Variants in TYR observed in about 807,000 individuals in gnomAD.
The protein encoded by TYR is tyrosinase, also known as LB24-AB.
In TYR, 58 loss-of-function variants were observed where a neutral mutation model predicts 51.5. That is an observed-to-expected ratio of 1.13 (90% CI 0.91 to 1.40). The LOEUF (loss-of-function observed/expected upper bound fraction) is 1.40, where lower values mean the gene tolerates loss of function less well. Among genes scored for constraint, TYR ranks in the 40% most tolerant of loss-of-function variants. TYR has a pLI of 0.00. For synonymous variants in TYR, 263 were observed against 235.2 expected, an observed-to-expected ratio of 1.12 and a Z score of -1.08; for missense variants, 732 against 647.4, an observed-to-expected ratio of 1.13 and a Z score of -1.42.
intron 2 of TYR, among the ~76,000 whole-genome samples, chr11:89,191,773 G>A (rs572459368): frequency 1.5e-3 from 225 of 152,222 alleles, no homozygotes; most frequent in Non-Finnish European, 2.1e-3. Flanking sequence ...AGAAGCAGCA[G>A]CAGAAGCAGA....
At chr11:89,284,474 A>G (rs1351379209) in intron 3 of TYR, among the ~76,000 whole-genome samples, 1 of 151,828 alleles carries the variant, frequency 6.6e-6, no homozygotes, top group Non-Finnish European at 1.5e-5. Flanking sequence ...TCACTCAACC[A>G]ATAGTTACCT....
At chr11:89,221,826 T>A (rs1737291496) in intron 2 of TYR, among the ~76,000 whole-genome samples, 1 of 152,220 alleles carries the variant, frequency 6.6e-6, no homozygotes, top group Admixed American at 6.5e-5. Context: ...AAAAATGCAC[T>A]TAAATGAAAT....
rs544066704 is a variant in TYR at position 89,192,704 on chromosome 11, C to A, written c.1036+1286C>A. On this transcript the variant is annotated intron_variant, in intron 2 of 4. Transcript: ENST00000263321. ...TATGAAAATAGAAATTAGGTTTATTCTTCTATGGTAATATTCATGATTAAC... is the reference window on the plus strand; with the variant it reads ...TATGAAAATAGAAATTAGGTTTATTATTCTATGGTAATATTCATGATTAAC... Among the ~76,000 whole-genome samples, 26 of 152,182 alleles carry A rather than the reference C, an allele frequency of 1.7e-4. 1 individual carries two copies. The South Asian group carries it at 5.4e-3, about 32-fold the overall frequency.
rs1229643099 is a variant in TYR, at chr11:89,234,852, T to G, written c.1184+6882T>G. Among the ~76,000 whole-genome samples, 53 of 152,036 alleles carry G rather than the reference T, an allele frequency of 3.5e-4. 1 individual carries two copies. Among genetic ancestry groups the G allele is most frequent in the Admixed American group, 3.5e-3 (53 of 15,252 alleles). On this transcript the variant is annotated intron_variant, in intron 3 of 4. Transcript: ENST00000263321. ...AATAATAATTTAAAACTTTGTAATA[T>G]TGCAAGAATTACCAAAATGTGACAG...
At chr11:89,220,156 G>T (rs989503658) in intron 2 of TYR, among the ~76,000 whole-genome samples, 1 of 150,580 alleles carries the variant, frequency 6.6e-6, no homozygotes, top group African/African-American at 2.4e-5. Flanking sequence ...AAAAAAAAAT[G>T]GTTTTATTTA....
chr11:89,197,456 C>T (rs1214768342), intron 2 of TYR, among the ~76,000 whole-genome samples: 5 of 152,074 alleles, frequency 3.3e-5, no homozygotes, highest in Non-Finnish European at 7.4e-5. Flanking sequence ...CATAAAAACC[C>T]AATGTTTAAA....
intron 2 of TYR, among the ~76,000 whole-genome samples, chr11:89,209,462 G>C (rs1232795949): frequency 6.6e-6 from 1 of 152,202 alleles, no homozygotes; most frequent in Non-Finnish European, 1.5e-5. Flanking sequence ...AGGGAAACTA[G>C]AACTGGGTGG....
At chr11:89,226,583 C>T (rs1048698095) in intron 2 of TYR, among the ~76,000 whole-genome samples, 9 of 152,016 alleles carry the variant, frequency 5.9e-5, no homozygotes, top group South Asian at 2.1e-4. Context: ...CATCACTACC[C>T]GAAGGGGCAG....
At chr11:89,251,905 T>C (rs1944335372) in intron 3 of TYR, among the ~76,000 whole-genome samples, 1 of 151,846 alleles carries the variant, frequency 6.6e-6, no homozygotes, top group Non-Finnish European at 1.5e-5. Context: ...CCTCTAGTAC[T>C]CAGTGTTGAG....
rs556702863 is a variant in TYR, at chr11:89,187,634, T to C, written c.820-3568T>C. Among the ~76,000 whole-genome samples the C allele has an allele frequency of 2.0e-5, 3 of 152,240 alleles. No individual in the cohort carries two copies. The East Asian group carries it at 5.8e-4, about 30-fold the overall frequency. On this transcript the variant is annotated intron_variant, in intron 1 of 4. Coordinates refer to ENST00000263321, the MANE Select transcript of TYR (RefSeq NM_000372.5). ...AATCATGTAGTCTATATTCAAATAT[T>C]AACTCCCCCCGTTTTATAAACTATA...
chr11:89,285,172 T>A (rs530925113), intron 4 of TYR, among the ~76,000 whole-genome samples: 1 of 151,818 alleles, frequency 6.6e-6, no homozygotes, highest in Non-Finnish European at 1.5e-5. Context: ...GGCCATTTTG[T>A]ACATGGCAAC....
At chr11:89,205,212 C>G (rs1389074610) in intron 2 of TYR, among the ~76,000 whole-genome samples, 1 of 151,906 alleles carries the variant, frequency 6.6e-6, no homozygotes, top group Non-Finnish European at 1.5e-5. Flanking sequence ...ATTACCAAAT[C>G]TGAAAAACAG....
intron 2 of TYR, among the ~76,000 whole-genome samples, chr11:89,202,741 T>G (rs1404736265): frequency 6.6e-6 from 1 of 152,060 alleles, no homozygotes; most frequent in Non-Finnish European, 1.5e-5. Flanking sequence ...GCTCTATAGC[T>G]GGTTACTATA....
intron 3 of TYR, among the ~76,000 whole-genome samples, chr11:89,271,501 T>C (rs903724651): frequency 6.6e-6 from 1 of 151,964 alleles, no homozygotes; most frequent in Non-Finnish European, 1.5e-5. Context: ...GCTAAGAATA[T>C]TCTGAACCTT....
chr11:89,206,575 G>A (rs573353611), intron 2 of TYR, among the ~76,000 whole-genome samples: 1 of 152,058 alleles, frequency 6.6e-6, no homozygotes, highest in South Asian at 2.1e-4. Flanking sequence ...TAACCAACAG[G>A]ACTAGGCAAA....
At chr11:89,207,690 A>G (rs574095386) in intron 2 of TYR, among the ~76,000 whole-genome samples, 2 of 152,330 alleles carry the variant, frequency 1.3e-5, no homozygotes, top group South Asian at 4.1e-4. Flanking sequence ...TCATGTACAT[A>G]TATGTAAAAA....
At chr11:89,230,498 A>G (rs763910229) in intron 3 of TYR, among the ~76,000 whole-genome samples, 1 of 152,074 alleles carries the variant, frequency 6.6e-6, no homozygotes, top group Non-Finnish European at 1.5e-5. Flanking sequence ...AGGAGCCCCA[A>G]AGCAAAGGTA....
At chr11:89,207,070 A>T (rs1372104248) in intron 2 of TYR, among the ~76,000 whole-genome samples, 2 of 152,052 alleles carry the variant, frequency 1.3e-5, no homozygotes, top group African/African-American at 4.8e-5. Flanking sequence ...AGAACCTAGA[A>T]ATAGAAGAGC....
intron 3 of TYR, chr11:89,283,769 G>C (rs561528866): frequency 6.6e-6 from 1 of 151,908 alleles, no homozygotes; most frequent in South Asian, 2.1e-4. Flanking sequence ...TCTACAACTT[G>C]AGTTTCTACT....
Sources: gnomAD v4.1 joint callset for allele counts (sites outside exome capture counted in the v4.1 genomes callset) on GRCh38, gnomAD v4.1.1 for gene constraint, MANE v1.5 for transcripts, NCBI Gene and HGNC (gene_info 2026-07-23, HGNC 2026-07-21) for gene names.